The following CCDC18 variants were observed in gnomAD, a reference collection of about 807,000 sequenced individuals.
The protein encoded by CCDC18 is coiled-coil domain-containing protein 18.
Under a neutral mutation model 196.0 loss-of-function variants are expected in CCDC18, and 157 were observed. That is an observed-to-expected ratio of 0.80 (90% CI 0.70 to 0.91). The LOEUF (loss-of-function observed/expected upper bound fraction) is 0.91, where lower values mean the gene tolerates loss of function less well. Ranked by LOEUF, CCDC18 falls within the 40% of genes least tolerant of loss-of-function variation. The probability of loss-of-function intolerance (pLI) is 0.00; values close to 1 mark genes in which losing one functional copy is unlikely to be tolerated. For synonymous variants in CCDC18, 482 were observed against 529.2 expected (o/e 0.91, Z 1.22); for missense variants, 1,465 against 1,611.6 (o/e 0.91, Z 1.56).
At position 93,254,494 on chromosome 1, in the gene CCDC18, A is replaced by G. The variant is rs1261491607; in HGVS notation, c.3222A>G (p.Leu1074=). 1.3e-6 allele frequency: 2 copies of G among 1,589,332 alleles called. No individual in the cohort carries two copies. Among genetic ancestry groups the G allele is most frequent in the African/African-American group, 1.4e-5 (1 of 73,612 alleles). ...NKQIESLNDK[L]QNAKEQLREK... is the part of the protein sequence containing the mutation. ...AGATAGAAAGTCTGAATGACAAATT[A>G]CAAAATGCTAAAGAACAGCTTCGAG... Residue 1074 remains leucine (L), a synonymous_variant, in exon 24 of 29, where the codon TTA becomes TTG. Coordinates refer to ENST00000690025, the MANE Select transcript of CCDC18 (RefSeq NM_001378204.1).
chr1:93,272,817 A>G (rs1205678926), intron 28 of CCDC18, among the ~76,000 whole-genome samples: 1 of 152,240 alleles, frequency 6.6e-6, no homozygotes, highest in African/African-American at 2.4e-5. Flanking sequence ...CATAAGAGAG[A>G]AAACAGCTGT....
At chr1:93,192,948 A>C (rs999644739) in intron 5 of CCDC18, among the ~76,000 whole-genome samples, 4 of 152,160 alleles carry the variant, frequency 2.6e-5, no homozygotes, top group Admixed American at 2.6e-4. Flanking sequence ...AGTTCTGCAA[A>C]TGATGCTGCT....
intron 6 of CCDC18, among the ~76,000 whole-genome samples, chr1:93,201,410 G>A (rs575592952): frequency 1.8e-4 from 27 of 152,178 alleles, no homozygotes; most frequent in African/African-American, 6.0e-4. Flanking sequence ...TGTGTTTTTT[G>A]TTGTCTAGAT....
At chr1:93,236,114 T>C in intron 18 of CCDC18, 134 bp from the exon 19 acceptor site, 1 of 701,196 alleles carries the variant, frequency 1.4e-6, no homozygotes. Context: ...TTGCTTTTTA[T>C]ATTTTCCAAA....
At chr1:93,278,195 C>T (rs1423673720) in intron 28 of CCDC18, among the ~76,000 whole-genome samples, 2 of 152,012 alleles carry the variant, frequency 1.3e-5, no homozygotes, top group Non-Finnish European at 2.9e-5. Flanking sequence ...ACCATGTTGG[C>T]CAGGCTGGTC....
intron 24 of CCDC18, 117 bp from the exon 25 acceptor site, chr1:93,256,218 T>G: frequency 2.6e-6 from 2 of 784,104 alleles, no homozygotes; most frequent in Non-Finnish European, 4.1e-6. Context: ...ACATACTCAT[T>G]GTATGTTAAA....
intron 21 of CCDC18, among the ~76,000 whole-genome samples, chr1:93,242,608 C>T (rs1660964069): frequency 6.6e-6 from 1 of 152,182 alleles, no homozygotes; most frequent in Non-Finnish European, 1.5e-5. Flanking sequence ...TTCATTTGAG[C>T]AGTAACTCAA....
At chr1:93,223,172 A>G (rs1657721850) in intron 16 of CCDC18, among the ~76,000 whole-genome samples, 1 of 152,186 alleles carries the variant, frequency 6.6e-6, no homozygotes, top group African/African-American at 2.4e-5. Flanking sequence ...TCATTAAACT[A>G]CCTAACGTAA....
Position 93,270,509 on chromosome 1 carries a change from A to G in CCDC18, c.4048A>G (p.Lys1350Glu), listed in dbSNP as rs1665139205. Residue 1350 changes from lysine to glutamate, a missense_variant, in exon 28 of 29, where the codon AAA becomes GAA. Transcript: ENST00000690025. Reference sequence around the variant, plus strand: ...TCACACATCTTTTTCCAAGTGTACAAAATTACGTCGCTCTATTAGTGCCAG... The same window carrying G: ...TCACACATCTTTTTCCAAGTGTACAGAATTACGTCGCTCTATTAGTGCCAG... ...CFHTSFSKCT[K>E]LRRSISASDL... is the part of the protein sequence containing the mutation. 6.4e-7 allele frequency: 1 copy of G among 1,550,390 alleles called. No homozygotes were observed. The highest frequency in any genetic ancestry group is 1.4e-5 in the African/African-American group (1 of 73,160).
At chr1:93,241,723 C>CAAAAAAAAAAA (rs35810581) in intron 21 of CCDC18, among the ~76,000 whole-genome samples, 2 of 59,920 alleles carry the variant, frequency 3.3e-5, no homozygotes, top group East Asian at 5.2e-4. Context: ...GACTCCATCT[C>CAAAAAAAAAAA]AAAAAAAAAA....
At position 93,216,649 on chromosome 1, in the gene CCDC18, G is replaced by T; in HGVS notation, c.1733G>T (p.Cys578Phe). 6.5e-7 allele frequency: 1 copy of T among 1,533,824 alleles called. No individual in the cohort carries two copies. The highest frequency in any genetic ancestry group is 8.8e-7 in the Non-Finnish European group (1 of 1,132,488). ...ATGTGTTTTCAGATGACAAAGAAAT[G>T]TTCTCAACTTTTAACTCTTGAGAAA... The part of the protein sequence containing the change: ...SKLESEMTKK[C>F]SQLLTLEKQL... Residue 578 changes from cysteine (C) to phenylalanine (F), a missense_variant, in exon 13 of 29, where the codon TGT (cysteine) becomes TTT (phenylalanine). By Grantham distance (205) the Cys-to-Phe change is radical. Transcript: ENST00000690025.
chr1:93,242,512 A>G (rs1660950735), intron 21 of CCDC18, among the ~76,000 whole-genome samples: 1 of 152,204 alleles, frequency 6.6e-6, no homozygotes, highest in Admixed American at 6.5e-5. Context: ...GCCAAACTGT[A>G]TCATTCTGCC....
intron 21 of CCDC18, 73 bp from the exon 22 acceptor site, chr1:93,246,032 C>A: frequency 2.1e-6 from 2 of 937,314 alleles, no homozygotes; most frequent in Non-Finnish European, 1.6e-6. Flanking sequence ...AAGAGGTAAC[C>A]TGGTTGACCT....
chr1:93,245,855 C>T (rs2100935902), intron 21 of CCDC18, among the ~76,000 whole-genome samples: 1 of 152,162 alleles, frequency 6.6e-6, no homozygotes, highest in African/African-American at 2.4e-5. Context: ...TAGCAATTAG[C>T]TTAAATTATC....
At position 93,186,505 on chromosome 1, in the gene CCDC18, T is replaced by C. The variant is rs1454324935; in HGVS notation, c.462+2T>C. The C allele has an allele frequency of 1.3e-6, 2 of 1,580,604 alleles. No individual in the cohort carries two copies. The highest frequency in any genetic ancestry group is 2.7e-5 in the African/African-American group (2 of 73,348). On this transcript the variant is annotated splice_donor_variant, in intron 4 of 28. Coordinates refer to ENST00000690025, the MANE Select transcript of CCDC18 (RefSeq NM_001378204.1). LOFTEE classifies it high-confidence loss of function. ...GAATTAACACAGTCAAGAGCAAAAG[T>C]ATGTATCTTGAAATAAGTTTGCCAA...
At chr1:93,181,252 G>C (rs1379994245) in intron 1 of CCDC18, among the ~76,000 whole-genome samples, 3 of 129,962 alleles carry the variant, frequency 2.3e-5, no homozygotes, top group Non-Finnish European at 3.1e-5. Context: ...TGTGTCAAGC[G>C]ATCTTGAGAC....
intron 4 of CCDC18, chr1:93,190,854 C>A: frequency 1.4e-6 from 1 of 726,238 alleles, no homozygotes; most frequent in South Asian, 1.4e-5. Context: ...TGCACTCAAG[C>A]CTTAGCACAA....
At chr1:93,274,209 C>G (rs1665506635) in intron 28 of CCDC18, among the ~76,000 whole-genome samples, 1 of 151,982 alleles carries the variant, frequency 6.6e-6, no homozygotes, top group Admixed American at 6.6e-5. Flanking sequence ...TCAAGACCAG[C>G]CTGGCCAAGA....
At chr1:93,190,219 G>A (rs767301028) in intron 4 of CCDC18, among the ~76,000 whole-genome samples, 5 of 152,192 alleles carry the variant, frequency 3.3e-5, no homozygotes, top group African/African-American at 2.4e-5. Flanking sequence ...GCCGGGCACG[G>A]CGGCTCACGC....
Sources: allele counts gnomAD v4.1 joint callset (sites outside exome capture counted in the v4.1 genomes callset), GRCh38; gene constraint gnomAD v4.1.1; transcripts MANE v1.5; gene names NCBI Gene and HGNC (gene_info 2026-07-23, HGNC 2026-07-21).